The following TGFBR2 variants were observed in gnomAD, a reference collection of about 807,000 sequenced individuals.
TGFBR2 encodes TGF-beta receptor type-2.
In TGFBR2, 18 loss-of-function variants were observed where a neutral mutation model predicts 49.0. The ratio of observed to expected loss-of-function variants is 0.37; its 90% confidence interval spans 0.25 to 0.54. The LOEUF is 0.54. Among genes scored for constraint, TGFBR2 ranks in the 20% least tolerant of loss-of-function variants. The pLI, the probability that TGFBR2 is intolerant of heterozygous loss-of-function variation, is 0.85. For missense variants in TGFBR2, 525 were observed against 722.6 expected (o/e 0.73, Z 3.13); for synonymous variants, 282 against 275.9 (o/e 1.02, Z -0.22).
chr3:30,673,725 A>T (rs1699381961), intron 4 of TGFBR2, among the ~76,000 whole-genome samples: 2 of 95,536 alleles, frequency 2.1e-5, no homozygotes, highest in East Asian at 2.7e-4. Flanking sequence ...TTTCAGGAAT[A>T]AAAAAAAATT....
rs758703490 is a variant in TGFBR2, at chr3:30,671,751, C to T, written c.568C>T (p.Arg190Cys). The change falls in exon 4 of 7, where the codon CGC becomes TGC. Residue 190 changes from arginine to cysteine, a missense_variant. Transcript: ENST00000295754. Reference protein sequence around the residue: ...ISVIIIFYCYRVNRQQKLSST... With the variant: ...ISVIIIFYCYCVNRQQKLSST... ...TGTCATCATCATCTTCTACTGCTAC[C>T]GCGTTAACCGGCAGCAGAAGCTGAG... 8 of 1,614,102 alleles carry T rather than the reference C, an allele frequency of 5.0e-6. No individual in the cohort carries two copies. The highest frequency in any genetic ancestry group is 1.1e-5 in the South Asian group (1 of 91,088).
At chr3:30,689,854 G>T (rs911970642) in intron 6 of TGFBR2, among the ~76,000 whole-genome samples, 1 of 152,134 alleles carries the variant, frequency 6.6e-6, no homozygotes, top group African/African-American at 2.4e-5. Context: ...CTCATAATGA[G>T]ATTTGTTGCC....
In TGFBR2 at chr3:30,623,222, G is replaced by A. The variant is rs61732532; in HGVS notation, c.94+16245G>A. ...AGATGTGGAAATGGAGGCCCAGAAA[G>A]ATGAAATCATCTGCCCCAGCTGTAA... On this transcript the variant is annotated intron_variant, in intron 1 of 6. Coordinates refer to ENST00000295754, the MANE Select transcript of TGFBR2 (RefSeq NM_003242.6). 1.3e-3 allele frequency: 2,021 copies of A among 1,600,556 alleles called. No individual in the cohort carries two copies. The highest frequency in any genetic ancestry group is 1.4e-3 in the Non-Finnish European group (1,646 of 1,167,752).
intron 3 of TGFBR2, among the ~76,000 whole-genome samples, chr3:30,659,727 T>C (rs1352822111): frequency 6.6e-6 from 1 of 151,652 alleles, no homozygotes; most frequent in Non-Finnish European, 1.5e-5. Flanking sequence ...GGACCCATAC[T>C]GCTGGTGCTG....
chr3:30,675,252 C>T (rs755625914), intron 5 of TGFBR2, among the ~76,000 whole-genome samples: 43 of 152,292 alleles, frequency 2.8e-4, no homozygotes, highest in Middle Eastern at 6.8e-3. Flanking sequence ...AACTGCCTTT[C>T]GCTGTCTCCT....
chr3:30,675,348 A>G (rs549221625), intron 5 of TGFBR2, among the ~76,000 whole-genome samples: 1 of 150,390 alleles, frequency 6.6e-6, no homozygotes, highest in Non-Finnish European at 1.5e-5. Flanking sequence ...TGTGCACCCA[A>G]GTTCATCCTG....
intron 1 of TGFBR2, among the ~76,000 whole-genome samples, chr3:30,644,207 G>T (rs1698689958): frequency 6.6e-6 from 1 of 152,124 alleles, no homozygotes; most frequent in Non-Finnish European, 1.5e-5. Context: ...GCAAAATCTT[G>T]TGCCTCCAGC....
chr3:30,690,381 G>A (rs937029638), intron 6 of TGFBR2, among the ~76,000 whole-genome samples: 1 of 152,230 alleles, frequency 6.6e-6, no homozygotes, highest in Admixed American at 6.5e-5. Flanking sequence ...GGTCTCCTTG[G>A]ATGGGAGCTT....
intron 3 of TGFBR2, among the ~76,000 whole-genome samples, chr3:30,664,444 G>A (rs1266654389): frequency 6.6e-6 from 1 of 152,088 alleles, no homozygotes; most frequent in Non-Finnish European, 1.5e-5. Context: ...CAAATAAGGA[G>A]CCATTTGCAA....
At chr3:30,635,352 A>G (rs1219644912) in intron 1 of TGFBR2, among the ~76,000 whole-genome samples, 1 of 152,262 alleles carries the variant, frequency 6.6e-6, no homozygotes, top group Admixed American at 6.5e-5. Context: ...AAAACAAACA[A>G]AAAACAGAAA....
intron 1 of TGFBR2, chr3:30,623,055 T>C: frequency 1.6e-6 from 1 of 642,706 alleles, no homozygotes; most frequent in Non-Finnish European, 2.8e-6. Context: ...GAAGAAAACA[T>C]ATTGACCATG....
intron 1 of TGFBR2, among the ~76,000 whole-genome samples, chr3:30,621,062 A>G (rs9844092): frequency 0.068 from 10,362 of 152,172 alleles, 540 homozygotes; most frequent in East Asian, 0.14. Context: ...CTGAATAAAC[A>G]TGCAGTCTAG....
intron 1 of TGFBR2, among the ~76,000 whole-genome samples, chr3:30,615,557 A>C (rs888559427): frequency 6.6e-6 from 1 of 152,220 alleles, no homozygotes; most frequent in African/African-American, 2.4e-5. Flanking sequence ...TTATTTTTCT[A>C]TTCTCTCAAT....
chr3:30,653,753 A>T (rs1698944275), intron 3 of TGFBR2, among the ~76,000 whole-genome samples: 1 of 152,182 alleles, frequency 6.6e-6, no homozygotes, highest in Admixed American at 6.5e-5. Context: ...GAGCCACAAG[A>T]TTTTAAGTAT....
At chr3:30,646,901 C>CA (rs1367193686) in intron 2 of TGFBR2, among the ~76,000 whole-genome samples, 3 of 152,088 alleles carry the variant, frequency 2.0e-5, no homozygotes, top group Non-Finnish European at 4.4e-5. Context: ...TTGCTAGCCT[C>CA]AAAAAAATGT....
intron 5 of TGFBR2, among the ~76,000 whole-genome samples, chr3:30,682,022 G>A (rs1339294294): frequency 6.6e-6 from 1 of 152,192 alleles, no homozygotes; most frequent in Admixed American, 6.5e-5. Context: ...CTCAAAGGAA[G>A]CTGGGTGTTT....
At chr3:30,655,049 A>C (rs1209167867) in intron 3 of TGFBR2, among the ~76,000 whole-genome samples, 2 of 152,184 alleles carry the variant, frequency 1.3e-5, no homozygotes, top group African/African-American at 4.8e-5. Flanking sequence ...CAGTGACTTG[A>C]CATCTCCATG....
chr3:30,691,514 A>G lies in TGFBR2; in HGVS notation c.1619A>G (p.Glu540Gly). ...TAQCVAERFS[E>G]LEHLDRLSGR... Reference sequence around the variant, plus strand: ...CAGTGTGTGGCAGAACGCTTCAGTGAGCTGGAGCATCTGGACAGGCTCTCG... The same window carrying G: ...CAGTGTGTGGCAGAACGCTTCAGTGGGCTGGAGCATCTGGACAGGCTCTCG... The change falls in exon 7 of 7, where the codon GAG becomes GGG. Residue 540 changes from glutamate to glycine, a missense_variant. Coordinates refer to ENST00000295754, the MANE Select transcript of TGFBR2 (RefSeq NM_003242.6). 1 of 1,614,064 alleles carries G rather than the reference A, an allele frequency of 6.2e-7. No homozygotes were observed. The highest frequency in any genetic ancestry group is 8.5e-7 in the Non-Finnish European group (1 of 1,179,974).
At chr3:30,642,889 T>C (rs1698670757) in intron 1 of TGFBR2, among the ~76,000 whole-genome samples, 1 of 152,216 alleles carries the variant, frequency 6.6e-6, no homozygotes, top group Non-Finnish European at 1.5e-5. Flanking sequence ...CATAGAGCTC[T>C]TGGTCTGGGA....
Sources: allele counts gnomAD v4.1 joint callset (sites outside exome capture counted in the v4.1 genomes callset), GRCh38; gene constraint gnomAD v4.1.1; transcripts MANE v1.5; gene names NCBI Gene and HGNC (gene_info 2026-07-23, HGNC 2026-07-21).